Variants in TNS3 observed in about 807,000 individuals in gnomAD.
TNS3 encodes tensin 3, also known as tensin-3.
A neutral mutation model predicts 140.9 loss-of-function variants in TNS3; 45 were observed. That is an observed-to-expected ratio of 0.32 (90% CI 0.25 to 0.41). TNS3 has a LOEUF of 0.41. TNS3 is among the 10% of genes least tolerant of loss of function. The pLI is 1.00. For missense variants in TNS3, 1,716 were observed against 1,906.7 expected (o/e 0.90, Z 1.86); for synonymous variants, 815 against 788.4 (o/e 1.03, Z -0.56).
chr7:47,328,235 G>C (rs887958974), intron 20 of TNS3, among the ~76,000 whole-genome samples: 2 of 152,188 alleles, frequency 1.3e-5, no homozygotes, highest in Admixed American at 6.5e-5. Flanking sequence ...GCTCAGGCCC[G>C]GGAAAGAATC....
At chr7:47,332,068 C>T (rs994151174) in intron 20 of TNS3, among the ~76,000 whole-genome samples, 8 of 152,252 alleles carry the variant, frequency 5.3e-5, no homozygotes, top group Non-Finnish European at 1.2e-4. Context: ...GCAAGTCTCA[C>T]AATCCCAGAC....
intron 1 of TNS3, among the ~76,000 whole-genome samples, chr7:47,555,680 T>C (rs1368281551): frequency 6.6e-6 from 1 of 152,234 alleles, no homozygotes; most frequent in Non-Finnish European, 1.5e-5. Flanking sequence ...AGACTTTCCA[T>C]CAGCAAAAAG....
intron 4 of TNS3, among the ~76,000 whole-genome samples, chr7:47,462,431 G>C (rs1796528158): frequency 6.6e-6 from 1 of 152,162 alleles, no homozygotes; most frequent in African/African-American, 2.4e-5. Flanking sequence ...GTTATGTGTT[G>C]ATCAGTTCGT....
At chr7:47,398,203 T>C (rs1334985452) in intron 15 of TNS3, among the ~76,000 whole-genome samples, 3 of 152,092 alleles carry the variant, frequency 2.0e-5, no homozygotes, top group Non-Finnish European at 4.4e-5. Context: ...CAGGGCCAGA[T>C]GGATTCACAG....
Position 47,283,739 on chromosome 7 carries a change from T to C in TNS3, c.4055A>G (p.Lys1352Arg). 6.2e-7 allele frequency: 1 copy of C among 1,604,686 alleles called. No individual in the cohort carries two copies. The highest frequency in any genetic ancestry group is 8.5e-7 in the Non-Finnish European group (1 of 1,175,696). ...PPPVSTVVHF[K>R]VSAQGITLTD... ...CAGGGTGATGCCCTGGGCTGACACCTTGAAGTGCACAACTGTGGACACAGG... is the reference window on the plus strand; with the variant it reads ...CAGGGTGATGCCCTGGGCTGACACCCTGAAGTGCACAACTGTGGACACAGG... Residue 1352 changes from lysine to arginine, a missense_variant, in exon 28 of 31, where the codon AAG becomes AGG. Transcript: ENST00000311160.
chr7:47,551,504 C>T (rs1800061305), intron 1 of TNS3, among the ~76,000 whole-genome samples: 1 of 152,192 alleles, frequency 6.6e-6, no homozygotes, highest in Non-Finnish European at 1.5e-5. Context: ...CCACCAGGAG[C>T]AGGGGAGCCT....
chr7:47,345,097 A>C, intron 18 of TNS3, 59 bp from the exon 19 acceptor site: 1 of 1,407,198 alleles, frequency 7.1e-7, no homozygotes, highest in South Asian at 1.2e-5. Flanking sequence ...GGCCCCTCCA[A>C]ACAGTTGTGG....
intron 2 of TNS3, among the ~76,000 whole-genome samples, chr7:47,524,141 C>T (rs562695617): frequency 6.6e-6 from 1 of 152,314 alleles, no homozygotes; most frequent in Admixed American, 6.5e-5. Context: ...CACTGCCTGC[C>T]AGCACGAAGC....
At chr7:47,543,921 C>T (rs952480354) in intron 1 of TNS3, among the ~76,000 whole-genome samples, 9 of 152,126 alleles carry the variant, frequency 5.9e-5, no homozygotes, top group Non-Finnish European at 1.3e-4. Flanking sequence ...TGTTTTTGCC[C>T]GCCCTGGGGA....
At chr7:47,553,204 T>G (rs1393075631) in intron 1 of TNS3, among the ~76,000 whole-genome samples, 1 of 152,242 alleles carries the variant, frequency 6.6e-6, no homozygotes, top group African/African-American at 2.4e-5. Flanking sequence ...CAGCAAGTAC[T>G]AATGTAGAAG....
chr7:47,311,952 C>T (rs773705281), intron 20 of TNS3, among the ~76,000 whole-genome samples: 7 of 152,200 alleles, frequency 4.6e-5, no homozygotes, highest in Non-Finnish European at 7.3e-5. Flanking sequence ...AAGGACGAGA[C>T]ACCAATTTCC....
At chr7:47,379,952 CA>C (rs1791645897) in intron 16 of TNS3, among the ~76,000 whole-genome samples, 1 of 152,220 alleles carries the variant, frequency 6.6e-6, no homozygotes, top group East Asian at 1.9e-4. Context: ...AAAAAATTAA[CA>C]AAAGCAAGAA....
chr7:47,453,009 C>T (rs1282278223), intron 4 of TNS3: 1 of 985,444 alleles, frequency 1.0e-6, no homozygotes, highest in East Asian at 1.1e-4. Flanking sequence ...CGTTTCGCTC[C>T]TTCCCCTGCT....
intron 3 of TNS3, among the ~76,000 whole-genome samples, chr7:47,493,307 G>A (rs1797880994): frequency 6.6e-6 from 1 of 152,144 alleles, no homozygotes; most frequent in African/African-American, 2.4e-5. Flanking sequence ...CACACTTCGG[G>A]GCACTCGGAG....
intron 16 of TNS3, among the ~76,000 whole-genome samples, chr7:47,385,446 T>C (rs1792020073): frequency 6.6e-6 from 1 of 152,106 alleles, no homozygotes; most frequent in Admixed American, 6.5e-5. Context: ...AGCTGTGCCA[T>C]CCAATTCAGC....
intron 3 of TNS3, among the ~76,000 whole-genome samples, chr7:47,491,137 AGGCAGAGG>A (rs1330968702): frequency 6.6e-6 from 1 of 152,238 alleles, no homozygotes; most frequent in Admixed American, 6.5e-5. Context: ...GTGGGCAGAG[AGGCAGAGG>A]GGCAGCCTCT....
chr7:47,560,151 C>T (rs1041564880), intron 1 of TNS3, among the ~76,000 whole-genome samples: 1 of 151,716 alleles, frequency 6.6e-6, no homozygotes, highest in African/African-American at 2.4e-5. Flanking sequence ...AAGACCTGAA[C>T]CCCAAGGTGA....
intron 3 of TNS3, among the ~76,000 whole-genome samples, chr7:47,484,084 C>T (rs778080684): frequency 1.3e-5 from 2 of 152,366 alleles, no homozygotes; most frequent in East Asian, 3.9e-4. Context: ...CCTCCACATT[C>T]GCATCCTACT....
chr7:47,572,797 C>T (rs966625866), intron 1 of TNS3, among the ~76,000 whole-genome samples: 2 of 151,340 alleles, frequency 1.3e-5, no homozygotes, highest in Admixed American at 6.6e-5. Flanking sequence ...TATTTGAACC[C>T]GGGATGGGGA....
Sources: allele counts gnomAD v4.1 joint callset (sites outside exome capture counted in the v4.1 genomes callset), GRCh38; gene constraint gnomAD v4.1.1; transcripts MANE v1.5; gene names NCBI Gene and HGNC (gene_info 2026-07-23, HGNC 2026-07-21).